ECPAS: variants seen among roughly 807,000 people sequenced by gnomAD.
ECPAS encodes Ecm29 proteasome adaptor and scaffold, also known as proteasome adapter and scaffold protein ECM29.
In ECPAS, 70 loss-of-function variants were observed where a neutral mutation model predicts 255.1. The observed-to-expected ratio is 0.27, with a 90% CI of 0.23 to 0.33. The LOEUF is 0.33. Ranked by LOEUF, ECPAS falls within the 10% of genes least tolerant of loss-of-function variation. The probability of loss-of-function intolerance (pLI) is 1.00; values close to 1 mark genes in which losing one functional copy is unlikely to be tolerated. For synonymous variants in ECPAS, 784 were observed against 775.0 expected, an observed-to-expected ratio of 1.01 and a Z score of -0.19; for missense variants, 1,817 against 2,206.4, an observed-to-expected ratio of 0.82 and a Z score of 3.54.
At chr9:111,394,563 A>C (rs180698547) in intron 25 of ECPAS, among the ~76,000 whole-genome samples, 1 of 152,308 alleles carries the variant, frequency 6.6e-6, no homozygotes, top group Admixed American at 6.5e-5. Flanking sequence ...CTCTAGTGTC[A>C]GCAATTTTTG....
At chr9:111,483,080 C>T (rs2098308989) in intron 1 of ECPAS, among the ~76,000 whole-genome samples, 1 of 152,242 alleles carries the variant, frequency 6.6e-6, no homozygotes, top group Non-Finnish European at 1.5e-5. Flanking sequence ...CTCCCCCTTC[C>T]CGAAAGCTCC....
intron 5 of ECPAS, 141 bp downstream of exon 5, chr9:111,442,165 C>T: frequency 3.7e-6 from 2 of 535,328 alleles, no homozygotes; most frequent in East Asian, 3.2e-5. Context: ...TTTGAGGTAC[C>T]ACGGAAAATT....
chr9:111,385,445 G>A lies in ECPAS; in HGVS notation c.3528-3C>T. 2 of 1,487,830 alleles carry A rather than the reference G, an allele frequency of 1.3e-6. No individual in the cohort carries two copies. Among genetic ancestry groups the A allele is most frequent in the Non-Finnish European group, 1.8e-6 (2 of 1,091,720 alleles). The allele number at this position is 1,487,830 out of a possible 1,614,324, so 92.2% of individuals were successfully genotyped here. ...ATAAATCATTCAAAGCTAAACAGCT[G>A]AAAATCAAAATTTCATTTCAATATA... On this transcript the variant is annotated splice_region_variant and splice_polypyrimidine_tract_variant and intron_variant, in intron 32 of 49. Transcript: ENST00000684092.
intron 37 of ECPAS, among the ~76,000 whole-genome samples, chr9:111,376,098 C>T (rs1000737365): frequency 1.3e-5 from 2 of 152,164 alleles, no homozygotes; most frequent in Non-Finnish European, 2.9e-5. Flanking sequence ...CTTTATGTTA[C>T]CTACTTCATT....
intron 18 of ECPAS, among the ~76,000 whole-genome samples, chr9:111,415,679 G>T (rs567159166): frequency 6.6e-5 from 10 of 150,842 alleles, no homozygotes; most frequent in South Asian, 2.1e-4. Flanking sequence ...CTCCAGCACG[G>T]GCAACAGAGT....
At chr9:111,471,272 C>A (rs948216020) in intron 2 of ECPAS, among the ~76,000 whole-genome samples, 3 of 152,170 alleles carry the variant, frequency 2.0e-5, no homozygotes, top group Non-Finnish European at 4.4e-5. Context: ...ACAATGTCCT[C>A]ACTGCTCTTC....
chr9:111,385,480 A>G, intron 32 of ECPAS, 38 bp from the exon 33 acceptor site: 1 of 1,149,942 alleles, frequency 8.7e-7, no homozygotes, highest in Non-Finnish European at 1.3e-6. Context: ...ATGATGAAAA[A>G]GGTCAGTATT....
intron 2 of ECPAS, among the ~76,000 whole-genome samples, chr9:111,470,602 GC>G (rs970485637): frequency 4.6e-5 from 7 of 152,104 alleles, no homozygotes; most frequent in Non-Finnish European, 7.3e-5. Context: ...GAGCCACTGT[GC>G]CCAGCCTTTT....
intron 2 of ECPAS, among the ~76,000 whole-genome samples, chr9:111,463,901 G>A (rs2098276128): frequency 6.6e-6 from 1 of 152,130 alleles, no homozygotes; most frequent in Non-Finnish European, 1.5e-5. Flanking sequence ...CAAAGTTGAA[G>A]AGGAACATAC....
At chr9:111,442,241 T>C (rs2098246922) in intron 5 of ECPAS, 65 bp downstream of exon 5, 6 of 1,032,228 alleles carry the variant, frequency 5.8e-6, no homozygotes, top group South Asian at 4.4e-5. Flanking sequence ...AATATGTGAA[T>C]TAATATTTGA....
Position 111,361,923 on chromosome 9 carries a change from T to G in ECPAS, c.*107A>C. ...TCTTTTTATTTCAGCCAAGGAATGA[T>G]GCATGCTACAGATTAATCTTTACTT... is the stretch of plus-strand genomic sequence containing the variant. On this transcript the variant is annotated 3_prime_UTR_variant, in exon 50 of 50. Coordinates refer to ENST00000684092, the MANE Select transcript of ECPAS (RefSeq NM_001364929.1). 8.1e-7 allele frequency: 1 copy of G among 1,240,644 alleles called. No individual in the cohort carries two copies. The highest frequency in any genetic ancestry group is 1.1e-6 in the Non-Finnish European group (1 of 910,318). 76.9% of individuals were successfully genotyped at this position (1,240,644 alleles called of 1,614,324 possible).
At chr9:111,483,034 T>C (rs1478703477) in intron 1 of ECPAS, among the ~76,000 whole-genome samples, 1 of 152,210 alleles carries the variant, frequency 6.6e-6, no homozygotes, top group African/African-American at 2.4e-5. Context: ...TCGTGACCTT[T>C]CGGCTGATTA....
chr9:111,463,034 C>T (rs1322500842), intron 2 of ECPAS, among the ~76,000 whole-genome samples: 5 of 152,178 alleles, frequency 3.3e-5, no homozygotes, highest in African/African-American at 9.6e-5. Flanking sequence ...GTGTGAGCCA[C>T]CACACCCAAC....
At chr9:111,388,851 A>T (rs950068633) in intron 31 of ECPAS, among the ~76,000 whole-genome samples, 1 of 152,088 alleles carries the variant, frequency 6.6e-6, no homozygotes, top group Non-Finnish European at 1.5e-5. Flanking sequence ...CAAATAGGTA[A>T]ACAGTGAGAG....
chr9:111,396,345 T>C (rs916330437), intron 25 of ECPAS, among the ~76,000 whole-genome samples: 6 of 152,146 alleles, frequency 3.9e-5, no homozygotes, highest in African/African-American at 1.2e-4. Flanking sequence ...CCAGTGTACC[T>C]AGAGCGCTAG....
At chr9:111,432,376 G>A (rs79528993) in intron 8 of ECPAS, among the ~76,000 whole-genome samples, 9,114 of 152,286 alleles carry the variant, frequency 0.06, 662 homozygotes, top group African/African-American at 0.16. Context: ...CACTTTGGGA[G>A]GCCAAGCTGC....
chr9:111,460,381 T>C (rs2098271765), intron 2 of ECPAS, among the ~76,000 whole-genome samples: 1 of 152,104 alleles, frequency 6.6e-6, no homozygotes, highest in South Asian at 2.1e-4. Flanking sequence ...AAACATTATA[T>C]CTAAAGGTAA....
At chr9:111,438,172 C>G (rs1589197984) in intron 6 of ECPAS, among the ~76,000 whole-genome samples, 1 of 152,166 alleles carries the variant, frequency 6.6e-6, no homozygotes, top group Admixed American at 6.5e-5. Flanking sequence ...TAAGGTAAAT[C>G]TGAATTTCAA....
chr9:111,383,197 C>T lies in ECPAS; in HGVS notation c.3803+14G>A. 1.9e-6 allele frequency: 3 copies of T among 1,612,374 alleles called. No homozygotes were observed. In the South Asian group the frequency reaches 3.3e-5, roughly 18 times the overall value. ...AGCAAATCCAATACATTCATTTCAT[C>T]AACGGATGCACACCTGAGGGCTCGA... On this transcript the variant is annotated intron_variant, in intron 35 of 49. Coordinates refer to ENST00000684092, the MANE Select transcript of ECPAS (RefSeq NM_001364929.1).
Sources: gnomAD v4.1 joint callset for allele counts (sites outside exome capture counted in the v4.1 genomes callset) on GRCh38, gnomAD v4.1.1 for gene constraint, MANE v1.5 for transcripts, NCBI Gene and HGNC (gene_info 2026-07-23, HGNC 2026-07-21) for gene names.